IQCM: variants seen among roughly 807,000 people sequenced by gnomAD.
IQCM encodes IQ domain-containing protein M.
A neutral mutation model predicts 57.6 loss-of-function variants in IQCM; 45 were observed. That is an observed-to-expected ratio of 0.78 (90% CI 0.62 to 1.00). The LOEUF (loss-of-function observed/expected upper bound fraction) is 1.00. Ranked by LOEUF, IQCM falls within the 50% of genes least tolerant of loss-of-function variation. IQCM has a pLI of 0.00. For synonymous variants in IQCM, 148 were observed against 158.9 expected (o/e 0.93, Z 0.51); for missense variants, 468 against 511.6 (o/e 0.91, Z 0.82).
At chr4:149,532,509 C>CTT (rs760116885) in intron 12 of IQCM, among the ~76,000 whole-genome samples, 15 of 123,046 alleles carry the variant, frequency 1.2e-4, no homozygotes, top group South Asian at 7.7e-4. Context: ...GGATAATTAT[C>CTT]TTTTTTTTTT....
At chr4:149,727,438 A>G (rs1766051069) in intron 5 of IQCM, among the ~76,000 whole-genome samples, 1 of 152,194 alleles carries the variant, frequency 6.6e-6, no homozygotes, top group African/African-American at 2.4e-5. Flanking sequence ...GCAAGTACTG[A>G]CAATTCTGCC....
intron 12 of IQCM, among the ~76,000 whole-genome samples, chr4:149,491,932 T>C (rs1390519579): frequency 6.6e-6 from 1 of 152,170 alleles, no homozygotes; most frequent in African/African-American, 2.4e-5. Context: ...CTTTCATTTT[T>C]TTTCATAGAT....
At position 149,514,323 on chromosome 4, in the gene IQCM, A is replaced by C. The variant is rs1744722167; in HGVS notation, c.1228+34132T>G. Reference sequence around the variant, plus strand: ...TGAAAGAACATGCTAAATATATATTAGGATTCCTCTCTTCTCCTCAAACAT... The same window carrying C: ...TGAAAGAACATGCTAAATATATATTCGGATTCCTCTCTTCTCCTCAAACAT... On this transcript the variant is annotated intron_variant, in intron 12 of 13. Transcript: ENST00000636793. Among the ~76,000 whole-genome samples, 3 of 152,212 alleles carry C rather than the reference A, an allele frequency of 2.0e-5. No individual in the cohort carries two copies. In the South Asian group the frequency reaches 6.2e-4, roughly 32 times the overall value.
At chr4:149,557,392 A>C (rs1385459285) in intron 10 of IQCM, among the ~76,000 whole-genome samples, 2 of 152,192 alleles carry the variant, frequency 1.3e-5, no homozygotes, top group Non-Finnish European at 2.9e-5. Flanking sequence ...ATTATGTTAC[A>C]TCTCCATGCC....
chr4:149,705,309 A>G (rs17625348), intron 5 of IQCM, among the ~76,000 whole-genome samples: 35,160 of 149,572 alleles, frequency 0.24, 4,718 homozygotes, highest in Non-Finnish European at 0.29. Context: ...GCATAGGAGT[A>G]AAATTTTCTA....
At chr4:149,413,602 A>G (rs1733543190) in intron 13 of IQCM, among the ~76,000 whole-genome samples, 1 of 152,222 alleles carries the variant, frequency 6.6e-6, no homozygotes, top group African/African-American at 2.4e-5. Flanking sequence ...AATAGAGAAA[A>G]GTAAAACAAA....
intron 12 of IQCM, among the ~76,000 whole-genome samples, chr4:149,546,355 A>G (rs1205391571): frequency 6.6e-6 from 1 of 152,198 alleles, no homozygotes; most frequent in African/African-American, 2.4e-5. Flanking sequence ...TGGCTGGGTC[A>G]AATGGTATTT....
At chr4:149,778,873 T>C (rs1771347935) in intron 2 of IQCM, among the ~76,000 whole-genome samples, 1 of 152,098 alleles carries the variant, frequency 6.6e-6, no homozygotes, top group Non-Finnish European at 1.5e-5. Context: ...GAAAAAGAAA[T>C]TGCCAGACCT....
intron 2 of IQCM, among the ~76,000 whole-genome samples, chr4:149,756,257 A>G (rs1768948737): frequency 6.6e-6 from 1 of 152,238 alleles, no homozygotes; most frequent in Admixed American, 6.5e-5. Context: ...AAGAATAATG[A>G]ATAAAAAACT....
At chr4:149,678,404 T>C (rs886227911) in intron 7 of IQCM, among the ~76,000 whole-genome samples, 91 of 151,826 alleles carry the variant, frequency 6.0e-4, no homozygotes, top group African/African-American at 2.1e-3. Context: ...AGAAAATCTA[T>C]TGCCAGCTAA....
intron 12 of IQCM, among the ~76,000 whole-genome samples, chr4:149,486,655 A>T (rs1196444855): frequency 6.6e-6 from 1 of 152,202 alleles, no homozygotes; most frequent in Non-Finnish European, 1.5e-5. Flanking sequence ...CTGAGGCAGG[A>T]GAATCACTTG....
intron 5 of IQCM, among the ~76,000 whole-genome samples, chr4:149,692,360 T>C (rs1763002971): frequency 6.6e-6 from 1 of 152,204 alleles, no homozygotes; most frequent in Non-Finnish European, 1.5e-5. Context: ...ATCAACAGTA[T>C]CTATCTTTGG....
At chr4:149,406,960 G>T (rs997221439) in intron 13 of IQCM, among the ~76,000 whole-genome samples, 26 of 151,850 alleles carry the variant, frequency 1.7e-4, no homozygotes, top group African/African-American at 5.3e-4. Flanking sequence ...ATGGTGGCAG[G>T]CAAGATAGAA....
intron 13 of IQCM, among the ~76,000 whole-genome samples, chr4:149,378,102 T>C (rs1730817945): frequency 6.6e-6 from 1 of 152,152 alleles, no homozygotes; most frequent in South Asian, 2.1e-4. Flanking sequence ...TCTCTTGTCT[T>C]GTCTGCCAGC....
chr4:149,696,136 G>A (rs559449357), intron 5 of IQCM, among the ~76,000 whole-genome samples: 10 of 151,750 alleles, frequency 6.6e-5, no homozygotes, highest in African/African-American at 2.2e-4. Context: ...CCATTTTTTC[G>A]TCGCTACACT....
intron 2 of IQCM, among the ~76,000 whole-genome samples, chr4:149,786,826 G>A (rs989351338): frequency 1.1e-4 from 16 of 152,242 alleles, no homozygotes; most frequent in Non-Finnish European, 1.9e-4. Flanking sequence ...TCCCATTACT[G>A]GGTATATACC....
Position 149,404,864 on chromosome 4 carries a change from C to T in IQCM, c.1390+28532G>A, listed in dbSNP as rs182295394. On this transcript the variant is annotated intron_variant, in intron 13 of 13. Coordinates refer to ENST00000636793, the MANE Select transcript of IQCM (RefSeq NM_001363507.2). The stretch of plus-strand genomic sequence containing the variant: ...ATAACAAAGTGTCCTCTAGAGAAAG[C>T]AGAGAAATATATTTCGTAGAGAAAT... 3.3e-3 allele frequency among the ~76,000 whole-genome samples: 498 copies of T among 151,932 alleles called. 3 individuals are homozygous for T. The highest frequency in any genetic ancestry group is 0.011 in the African/African-American group (472 of 41,448).
At chr4:149,670,919 G>C (rs1202756721) in intron 7 of IQCM, among the ~76,000 whole-genome samples, 1 of 150,638 alleles carries the variant, frequency 6.6e-6, no homozygotes, top group Non-Finnish European at 1.5e-5. Context: ...GTTCATCAGG[G>C]ATATTGGTCT....
intron 5 of IQCM, among the ~76,000 whole-genome samples, chr4:149,689,340 A>G (rs1371901910): frequency 6.6e-6 from 1 of 152,048 alleles, no homozygotes; most frequent in Non-Finnish European, 1.5e-5. Flanking sequence ...GTTCTCACTC[A>G]TAAGTGGGAG....
Sources: allele counts gnomAD v4.1 joint callset (sites outside exome capture counted in the v4.1 genomes callset), GRCh38; gene constraint gnomAD v4.1.1; transcripts MANE v1.5; gene names NCBI Gene and HGNC (gene_info 2026-07-23, HGNC 2026-07-21).